The following CCDC88A variants were observed in gnomAD, a reference collection of about 807,000 sequenced individuals.
CCDC88A encodes girdin.
In CCDC88A, 54 loss-of-function variants were observed where a neutral mutation model predicts 234.3. The ratio of observed to expected loss-of-function variants is 0.23; its 90% CI spans 0.19 to 0.29. The LOEUF (loss-of-function observed/expected upper bound fraction) is 0.29, where lower values mean the gene tolerates loss of function less well. CCDC88A is among the 10% of genes least tolerant of loss of function. The pLI is 1.00. For missense variants in CCDC88A, 1,832 were observed against 2,123.4 expected, an observed-to-expected ratio of 0.86 and a Z score of 2.70; for synonymous variants, 753 against 737.8, an observed-to-expected ratio of 1.02 and a Z score of -0.33.
intron 3 of CCDC88A, among the ~76,000 whole-genome samples, chr2:55,375,846 A>C (rs1213316735): frequency 6.6e-6 from 1 of 152,058 alleles, no homozygotes; most frequent in East Asian, 1.9e-4. Flanking sequence ...AATATAATAA[A>C]TAAGAGAGCT....
chr2:55,419,726 T>C lies in CCDC88A; in HGVS notation c.-647A>G, dbSNP rs1277608286. The C allele has an allele frequency of 6.6e-6, 1 of 151,070 alleles. No homozygotes were observed. The highest frequency in any genetic ancestry group is 2.4e-5 in the African/African-American group (1 of 40,942). The allele number at this position is 151,070 out of a possible 1,614,324, so 9.4% of individuals were successfully genotyped here. ...CCCTTCCCCTCCCGGGGGTGGGGGC[T>C]TGAATGTGTGTCCCTAACCCCCCAG... is the stretch of plus-strand genomic sequence containing the variant. On this transcript the variant is annotated 5_prime_UTR_variant, in exon 1 of 33. Transcript: ENST00000436346.
At chr2:55,308,519 G>A (rs1414527689) in intron 25 of CCDC88A, 1 of 315,156 alleles carries the variant, frequency 3.2e-6, no homozygotes, top group Admixed American at 4.6e-5. Flanking sequence ...AAGGTAAAAG[G>A]CTTGCCCATA....
At chr2:55,308,666 G>A in intron 25 of CCDC88A, 143 bp downstream of exon 25, 1 of 636,168 alleles carries the variant, frequency 1.6e-6, no homozygotes, top group East Asian at 2.7e-5. Flanking sequence ...GTACACTAAT[G>A]CAGTACACAA....
chr2:55,328,540 A>T lies in CCDC88A; in HGVS notation c.2856-105T>A, dbSNP rs1286051675. The stretch of plus-strand genomic sequence containing the variant: ...TCATGCCATAAATGGGTCTTATAAA[A>T]GCATTTTTGTTAAAGAGGCAAATGA... On this transcript the variant is annotated intron_variant, in intron 16 of 32. Transcript: ENST00000436346. This position sits in a 1 kb window ranked among gnomAD's most constrained non-coding sequence, Gnocchi z 4.3. 3 of 747,580 alleles carry T rather than the reference A, an allele frequency of 4.0e-6. No homozygotes were observed. The highest frequency in any genetic ancestry group is 4.1e-4 in the Middle Eastern group (1 of 2,456). 46.3% of individuals were successfully genotyped at this position (747,580 alleles called of 1,614,324 possible).
chr2:55,298,569 C>T (rs2104561780), intron 29 of CCDC88A, among the ~76,000 whole-genome samples: 1 of 152,130 alleles, frequency 6.6e-6, no homozygotes, highest in East Asian at 1.9e-4. Flanking sequence ...AAATGCATTC[C>T]TTGTAACCTG....
chr2:55,313,124 T>G (rs1035242274), intron 22 of CCDC88A: 1 of 152,344 alleles, frequency 6.6e-6, no homozygotes, highest in Non-Finnish European at 1.5e-5. Context: ...CAGGCTGGAG[T>G]GCAATAGCAT....
intron 31 of CCDC88A, chr2:55,294,468 ATT>A (rs1679787788): frequency 1.2e-6 from 1 of 868,710 alleles, no homozygotes; most frequent in African/African-American, 1.8e-5. Flanking sequence ...ATTAGTTAAT[ATT>A]TGTTATATAA....
rs749091565 is a variant in CCDC88A at position 55,309,810 on chromosome 2, T to G, written c.4080-556A>C. On this transcript the variant is annotated intron_variant, in intron 23 of 32. Transcript: ENST00000436346. This position sits in a 1 kb window ranked among gnomAD's most constrained non-coding sequence, Gnocchi z 5.1. The stretch of plus-strand genomic sequence containing the variant: ...GTGATCATTTACAATGAGGAAGGCA[T>G]GAGGTATATATGAAGATGAATAATA... Among the ~76,000 whole-genome samples the G allele has an allele frequency of 6.6e-6, 1 of 152,156 alleles. No homozygotes were observed. The highest frequency in any genetic ancestry group is 1.9e-4 in the East Asian group (1 of 5,200).
intron 2 of CCDC88A, among the ~76,000 whole-genome samples, chr2:55,395,607 C>G (rs1439490206): frequency 1.3e-5 from 2 of 152,178 alleles, no homozygotes; most frequent in Non-Finnish European, 2.9e-5. Flanking sequence ...TAAACAAAGA[C>G]TAAGCATAGT....
Position 55,312,423 on chromosome 2 carries a change from T to G in CCDC88A, c.4079+11A>C. On this transcript the variant is annotated intron_variant, in intron 23 of 32. Transcript: ENST00000436346. ...AACATATTTCAGAGTGCAAAATTAT[T>G]TGGTACCTACATGTACTGTCTTTGT... The G allele has an allele frequency of 6.2e-7, 1 of 1,605,574 alleles. No homozygotes were observed. Among genetic ancestry groups the G allele is most frequent in the East Asian group, 2.2e-5 (1 of 44,716 alleles).
At chr2:55,394,819 A>T (rs964416117) in intron 2 of CCDC88A, among the ~76,000 whole-genome samples, 10 of 151,776 alleles carry the variant, frequency 6.6e-5, no homozygotes, top group Non-Finnish European at 1.3e-4. Context: ...AATAATAAAA[A>T]AAAAAAGAAA....
intron 3 of CCDC88A, among the ~76,000 whole-genome samples, chr2:55,376,827 C>G (rs1673717538): frequency 6.6e-6 from 1 of 152,094 alleles, no homozygotes; most frequent in South Asian, 2.1e-4. Context: ...GAATAAATTT[C>G]TGCTTCATTC....
intron 18 of CCDC88A, 71 bp from the exon 19 acceptor site, chr2:55,319,075 C>T (rs1683300041): frequency 8.0e-7 from 1 of 1,247,808 alleles, no homozygotes; most frequent in Non-Finnish European, 1.1e-6. Context: ...CTATAGTATA[C>T]TGAATTTTAT....
At chr2:55,358,182 G>T (rs1484779508) in intron 7 of CCDC88A, among the ~76,000 whole-genome samples, 4 of 152,108 alleles carry the variant, frequency 2.6e-5, no homozygotes, top group Non-Finnish European at 5.9e-5. Context: ...ACTTGTGAGG[G>T]ATTTTCCAAC....
At chr2:55,415,795 A>T (rs1681268746) in intron 2 of CCDC88A, among the ~76,000 whole-genome samples, 1 of 152,192 alleles carries the variant, frequency 6.6e-6, no homozygotes, top group Admixed American at 6.5e-5. Flanking sequence ...CACCAGCTGG[A>T]GTATTCAGAG....
intron 2 of CCDC88A, among the ~76,000 whole-genome samples, chr2:55,408,225 T>C (rs943113219): frequency 2.6e-5 from 4 of 152,108 alleles, no homozygotes; most frequent in African/African-American, 9.7e-5. Flanking sequence ...TCTGAAAATC[T>C]ACTCTGACCT....
chr2:55,297,296 T>A (rs1184382019), intron 29 of CCDC88A: 3 of 76,530 alleles, frequency 3.9e-5, no homozygotes, highest in South Asian at 3.1e-4. Flanking sequence ...TATATATAAT[T>A]TATATATAAT....
chr2:55,396,261 A>G (rs957478863), intron 2 of CCDC88A, among the ~76,000 whole-genome samples: 1 of 152,210 alleles, frequency 6.6e-6, no homozygotes, highest in Non-Finnish European at 1.5e-5. Flanking sequence ...AATTTTAGGT[A>G]TATTTACAGT....
intron 2 of CCDC88A, among the ~76,000 whole-genome samples, chr2:55,413,944 C>G (rs193249100): frequency 0.017 from 2,328 of 138,950 alleles, 32 homozygotes; most frequent in Admixed American, 0.027. Flanking sequence ...AGAACAAGAC[C>G]GTCTCAAAAA....
Sources: allele counts gnomAD v4.1 joint callset (sites outside exome capture counted in the v4.1 genomes callset), GRCh38; gene constraint gnomAD v4.1.1; non-coding constraint Gnocchi (gnomAD v3.1); transcripts MANE v1.5; gene names NCBI Gene and HGNC (gene_info 2026-07-23, HGNC 2026-07-21).